The following CSMD3 variants were observed in gnomAD, a reference collection of about 807,000 sequenced individuals.
CSMD3 encodes CUB and Sushi multiple domains 3, also known as CUB and sushi domain-containing protein 3.
A neutral mutation model predicts 435.2 loss-of-function variants in CSMD3; 177 were observed. The observed-to-expected ratio is 0.41, with a 90% CI of 0.36 to 0.46. The LOEUF (loss-of-function observed/expected upper bound fraction) is 0.46. Ranked by LOEUF, CSMD3 falls within the 20% of genes least tolerant of loss-of-function variation. The pLI is 0.34. For missense variants in CSMD3, 4,265 were observed against 4,504.6 expected, an observed-to-expected ratio of 0.95 and a Z score of 1.52; for synonymous variants, 1,656 against 1,520.5, an observed-to-expected ratio of 1.09 and a Z score of -2.07.
At chr8:112,253,823 TAGTGC>T (rs1340017117) in intron 63 of CSMD3, among the ~76,000 whole-genome samples, 2 of 151,998 alleles carry the variant, frequency 1.3e-5, no homozygotes, top group East Asian at 3.9e-4. Flanking sequence ...TATATACAAT[TAGTGC>T]TTTATTGAAT....
intron 5 of CSMD3, among the ~76,000 whole-genome samples, chr8:113,033,688 T>A (rs184439029): frequency 6.6e-6 from 1 of 151,388 alleles, no homozygotes; most frequent in Non-Finnish European, 1.5e-5. Context: ...GGGTTAATGC[T>A]GGAATAAGTT....
chr8:112,736,533 C>T (rs10105569), intron 13 of CSMD3, among the ~76,000 whole-genome samples: 67,977 of 151,806 alleles, frequency 0.45, 16,309 homozygotes, highest in Non-Finnish European at 0.52. Context: ...CACTGCTTGG[C>T]AAATGCTCAC....
At chr8:112,959,882 T>C (rs1471589057) in intron 7 of CSMD3, among the ~76,000 whole-genome samples, 4 of 151,930 alleles carry the variant, frequency 2.6e-5, no homozygotes, top group Non-Finnish European at 5.9e-5. Flanking sequence ...AGTGTGTTAT[T>C]TTTGGCATTT....
chr8:112,641,110 G>A (rs1309751331), intron 20 of CSMD3, among the ~76,000 whole-genome samples: 9 of 152,006 alleles, frequency 5.9e-5, no homozygotes, highest in East Asian at 3.9e-4. Flanking sequence ...AAATGACTTC[G>A]CACAGTGACT....
chr8:112,484,974 C>T (rs1819980700), intron 31 of CSMD3, among the ~76,000 whole-genome samples: 1 of 152,102 alleles, frequency 6.6e-6, no homozygotes, highest in South Asian at 2.1e-4. Context: ...CATTGATTTG[C>T]AAATTACTTC....
At chr8:112,231,463 T>A in intron 69 of CSMD3, 82 bp downstream of exon 69, 1 of 874,924 alleles carries the variant, frequency 1.1e-6, no homozygotes, top group Non-Finnish European at 2.0e-6. Context: ...TAAGTGTACC[T>A]AATGTACAGA....
chr8:113,091,831 G>T (rs1258018783), intron 5 of CSMD3, among the ~76,000 whole-genome samples: 1 of 151,362 alleles, frequency 6.6e-6, no homozygotes, highest in Non-Finnish European at 1.5e-5. Context: ...TTTGAGTTTG[G>T]TTTGCTCTTG....
intron 28 of CSMD3, among the ~76,000 whole-genome samples, chr8:112,508,268 T>G (rs2130939849): frequency 6.6e-6 from 1 of 152,214 alleles, no homozygotes; most frequent in South Asian, 2.1e-4. Context: ...TAACAGAAAA[T>G]TGTTTACTAT....
intron 32 of CSMD3, among the ~76,000 whole-genome samples, chr8:112,443,592 T>A (rs1563540510): frequency 6.6e-6 from 1 of 152,164 alleles, no homozygotes; most frequent in African/African-American, 2.4e-5. Flanking sequence ...TTTCTTTTTA[T>A]GTTTTTTTGG....
chr8:112,352,452 T>A lies in CSMD3; in HGVS notation c.6219A>T (p.Val2073=). 1 of 1,613,660 alleles carries A rather than the reference T, an allele frequency of 6.2e-7. No homozygotes were observed. Residue 2073 remains valine (V), a synonymous_variant, in exon 39 of 71, where the codon GTA becomes GTT. Transcript: ENST00000297405. Reference sequence around the variant, plus strand: ...ATCCTTGATCACACTGAAAGGATACTACATCTCCAACCATATATCTGTCTC... The same window carrying A: ...ATCCTTGATCACACTGAAAGGATACAACATCTCCAACCATATATCTGTCTC... The part of the protein sequence containing the change: ...KIGDRYMVGD[V]VSFQCDQGYS...
chr8:113,269,233 C>G (rs913243641), intron 3 of CSMD3, among the ~76,000 whole-genome samples: 1 of 151,954 alleles, frequency 6.6e-6, no homozygotes, highest in Non-Finnish European at 1.5e-5. Flanking sequence ...AATAAAATAC[C>G]TAGGAATCTA....
At chr8:113,404,815 T>G (rs923700158) in intron 1 of CSMD3, among the ~76,000 whole-genome samples, 1 of 151,410 alleles carries the variant, frequency 6.6e-6, no homozygotes, top group East Asian at 1.9e-4. Context: ...ATAGCCAGAG[T>G]ATAATTCAAT....
At chr8:113,085,411 G>A (rs1483668488) in intron 5 of CSMD3, among the ~76,000 whole-genome samples, 1 of 152,086 alleles carries the variant, frequency 6.6e-6, no homozygotes, top group African/African-American at 2.4e-5. Flanking sequence ...ATATGATCCA[G>A]CAATCCCACT....
intron 32 of CSMD3, among the ~76,000 whole-genome samples, chr8:112,439,388 C>T (rs1274587870): frequency 6.6e-6 from 1 of 152,048 alleles, no homozygotes; most frequent in African/African-American, 2.4e-5. Context: ...ATCTGCCTGC[C>T]TTGGCCTCCC....
chr8:112,551,772 A>G (rs1177126429), intron 26 of CSMD3, among the ~76,000 whole-genome samples: 1 of 152,074 alleles, frequency 6.6e-6, no homozygotes, highest in Non-Finnish European at 1.5e-5. Flanking sequence ...GTAGTATACC[A>G]CCTAGAAGCC....
chr8:112,337,678 T>C lies in CSMD3; in HGVS notation c.6706A>G (p.Ile2236Val), dbSNP rs2130966845. Residue 2236 changes from isoleucine (I) to valine (V), a missense_variant, in exon 43 of 71, where the codon ATT becomes GTT. By Grantham distance (29) the Ile-to-Val change is conservative. This residue lies in a region of CSMD3 where 3,255 missense variants were observed against 3,380.2 expected (regional missense o/e 0.96). Transcript: ENST00000297405. ...TGACCCACAGTAAAATCATTACCAA[T>C]TACAAAACCATTTCGAAACGGGCGT... ...DPRPFRNGFV[I>V]GNDFTVGQTI... 6.2e-7 allele frequency: 1 copy of C among 1,613,762 alleles called. No individual in the cohort carries two copies. The highest frequency in any genetic ancestry group is 8.5e-7 in the Non-Finnish European group (1 of 1,179,728).
intron 10 of CSMD3, among the ~76,000 whole-genome samples, chr8:112,903,443 GTTA>G (rs929297467): frequency 1.1e-4 from 16 of 151,284 alleles, no homozygotes; most frequent in African/African-American, 3.6e-4. Context: ...ACAAGGTGGA[GTTA>G]TTATTATTAG....
intron 5 of CSMD3, among the ~76,000 whole-genome samples, chr8:113,070,603 C>A (rs1048195902): frequency 1.3e-5 from 2 of 151,968 alleles, no homozygotes; most frequent in African/African-American, 4.8e-5. Context: ...CCAACAACTC[C>A]CAATTTTTTC....
intron 3 of CSMD3, among the ~76,000 whole-genome samples, chr8:113,261,513 C>T (rs1254920907): frequency 6.6e-6 from 1 of 152,062 alleles, no homozygotes; most frequent in Non-Finnish European, 1.5e-5. Context: ...AACTACCTCC[C>T]TTAGCCTCTG....
Sources: allele counts gnomAD v4.1 joint callset (sites outside exome capture counted in the v4.1 genomes callset), GRCh38; gene constraint gnomAD v4.1.1; regional missense constraint gnomAD v4.1.1; transcripts MANE v1.5; gene names NCBI Gene and HGNC (gene_info 2026-07-23, HGNC 2026-07-21).